Variants in COLGALT1 observed in about 807,000 individuals in gnomAD.
The protein encoded by COLGALT1 is collagen beta(1-O)galactosyltransferase 1.
COLGALT1 carries 43 observed loss-of-function variants against 60.8 expected under a neutral mutation model. The ratio of observed to expected loss-of-function variants is 0.71; its 90% CI spans 0.55 to 0.91. The LOEUF (loss-of-function observed/expected upper bound fraction) is 0.91. COLGALT1 is among the 40% of genes least tolerant of loss of function. The pLI, the probability that COLGALT1 is intolerant of heterozygous loss-of-function variation, is 0.00. For missense variants in COLGALT1, 845 were observed against 880.0 expected, an observed-to-expected ratio of 0.96 and a Z score of 0.50; for synonymous variants, 369 against 374.2, an observed-to-expected ratio of 0.99 and a Z score of 0.16.
Position 17,581,909 on chromosome 19 carries a change from A to ATTTT in COLGALT1, c.*481_*484dup, listed in dbSNP as rs34244232. 9.3e-5 allele frequency: 13 copies of ATTTT among 140,256 alleles called. No individual in the cohort carries two copies. The highest frequency in any genetic ancestry group is 4.1e-4 in the South Asian group (2 of 4,820). The allele number at this position is 140,256 out of a possible 1,614,324, so 8.7% of individuals were successfully genotyped here. On this transcript the variant is annotated 3_prime_UTR_variant, in exon 12 of 12. Coordinates refer to ENST00000252599, the MANE Select transcript of COLGALT1 (RefSeq NM_024656.4). The stretch of plus-strand genomic sequence containing the variant: ...GTTGGGTGCCATTCCAGGCTCTGGG[A>ATTTT]TTTTTTTTTTTTTTTTTTTAAGAGT...
intron 4 of COLGALT1, 62 bp downstream of exon 4, chr19:17,567,602 T>C: frequency 1.3e-6 from 2 of 1,545,984 alleles, no homozygotes; most frequent in Non-Finnish European, 1.8e-6. Flanking sequence ...GTGGCTAGAG[T>C]GTAACTTACT....
intron 6 of COLGALT1, among the ~76,000 whole-genome samples, chr19:17,573,106 T>C (rs923963853): frequency 1.3e-5 from 2 of 151,992 alleles, no homozygotes; most frequent in Admixed American, 6.6e-5. Context: ...AAGAACTGCA[T>C]GTATAGGCCA....
At chr19:17,558,089 C>T (rs961765767) in intron 1 of COLGALT1, among the ~76,000 whole-genome samples, 1 of 151,974 alleles carries the variant, frequency 6.6e-6, no homozygotes, top group Non-Finnish European at 1.5e-5. Flanking sequence ...AGGTGCCCGC[C>T]ACCACACCCA....
At position 17,580,666 on chromosome 19, in the gene COLGALT1, G is replaced by A. The variant is rs758776987; in HGVS notation, c.1395-33G>A. The A allele has an allele frequency of 4.3e-6, 7 of 1,611,610 alleles. No homozygotes were observed. The African/African-American group carries it at 6.7e-5, about 15-fold the overall frequency. On this transcript the variant is annotated intron_variant, in intron 10 of 11. Coordinates refer to ENST00000252599, the MANE Select transcript of COLGALT1 (RefSeq NM_024656.4). ...TGGGCAAGCTCCCTCCGGAGGGCGG[G>A]AGGAGAGTGACAGGCCCGATCTTGC...
In COLGALT1 at chr19:17,555,739, G is replaced by C; in HGVS notation, c.26G>C (p.Arg9Pro). MAAAPRAGRRRGQPLLALL... is the reference protein window; with the variant it reads MAAAPRAGPRRGQPLLALL... The stretch of plus-strand genomic sequence containing the variant: ...ATGGCGGCGGCCCCACGCGCGGGCC[G>C]GCGGCGCGGGCAGCCGCTCCTGGCG... Residue 9 changes from arginine (R) to proline (P), a missense_variant, in exon 1 of 12, where the codon CGG (arginine) becomes CCG (proline). Coordinates refer to ENST00000252599, the MANE Select transcript of COLGALT1 (RefSeq NM_024656.4). 1 of 1,205,942 alleles carries C rather than the reference G, an allele frequency of 8.3e-7. No individual in the cohort carries two copies. The highest frequency in any genetic ancestry group is 1.0e-6 in the Non-Finnish European group (1 of 972,164). 74.7% of individuals were successfully genotyped at this position (1,205,942 alleles called of 1,614,324 possible).
intron 4 of COLGALT1, 79 bp downstream of exon 4, chr19:17,567,619 C>A: frequency 2.0e-6 from 3 of 1,495,952 alleles, no homozygotes; most frequent in Non-Finnish European, 2.7e-6. Context: ...TACTGTCACA[C>A]AACCTCGTGG....
intron 1 of COLGALT1, chr19:17,556,657 T>C (rs2076213685): frequency 2.2e-6 from 1 of 457,632 alleles, no homozygotes; most frequent in African/African-American, 2.1e-5. Flanking sequence ...CACGCAGTAA[T>C]CCTAGCAATT....
intron 2 of COLGALT1, 78 bp downstream of exon 2, chr19:17,559,499 C>T: frequency 1.7e-6 from 2 of 1,159,416 alleles, no homozygotes; most frequent in Non-Finnish European, 2.5e-6. Context: ...CCCATTGCCC[C>T]AGAACAATTA....
intron 1 of COLGALT1, among the ~76,000 whole-genome samples, chr19:17,558,645 T>C (rs946816680): frequency 4.0e-5 from 6 of 151,712 alleles, no homozygotes; most frequent in Non-Finnish European, 8.8e-5. Context: ...GCCACTGCAC[T>C]CTAGCCTGGG....
At chr19:17,557,973 C>T (rs903803129) in intron 1 of COLGALT1, among the ~76,000 whole-genome samples, 5 of 151,882 alleles carry the variant, frequency 3.3e-5, no homozygotes, top group African/African-American at 9.7e-5. Flanking sequence ...GTCTCGCTCT[C>T]GTTGCTGAGG....
At chr19:17,570,667 T>C (rs1049761516) in intron 5 of COLGALT1, among the ~76,000 whole-genome samples, 1 of 151,962 alleles carries the variant, frequency 6.6e-6, no homozygotes, top group Non-Finnish European at 1.5e-5. Context: ...CCAGGTTCAA[T>C]TGATTCTCCT....
chr19:17,562,481 G>A (rs2076254895), intron 3 of COLGALT1, among the ~76,000 whole-genome samples: 1 of 152,096 alleles, frequency 6.6e-6, no homozygotes, highest in South Asian at 2.1e-4. Context: ...TGGTCAACAT[G>A]GTGAAACCCT....
rs1416980087 is a variant in COLGALT1, at chr19:17,567,491, T to C, written c.575T>C (p.Leu192Pro). ...AACAAGACGGTGGTCGCCCCCATGCTGGATTCCCGGGCTGCGTACTCCAAC... is the reference window on the plus strand; with the variant it reads ...AACAAGACGGTGGTCGCCCCCATGCCGGATTCCCGGGCTGCGTACTCCAAC... ...AENKTVVAPM[L>P]DSRAAYSNFW... The change falls in exon 4 of 12, where the codon CTG (leucine) becomes CCG (proline). Residue 192 changes from leucine to proline, a missense_variant. Coordinates refer to ENST00000252599, the MANE Select transcript of COLGALT1 (RefSeq NM_024656.4). 6.2e-7 allele frequency: 1 copy of C among 1,614,094 alleles called. No individual in the cohort carries two copies. Among genetic ancestry groups the C allele is most frequent in the South Asian group, 1.1e-5 (1 of 91,072 alleles).
chr19:17,567,282 C>T, intron 3 of COLGALT1, 124 bp from the exon 4 acceptor site: 1 of 1,275,544 alleles, frequency 7.8e-7, no homozygotes, highest in Non-Finnish European at 1.1e-6. Context: ...TTCATTTCAT[C>T]CGGTGTAGGG....
At chr19:17,579,759 G>A in intron 10 of COLGALT1, 150 bp downstream of exon 10, 1 of 1,082,158 alleles carries the variant, frequency 9.2e-7, no homozygotes, top group Non-Finnish European at 1.3e-6. Flanking sequence ...TGGAGCCTAG[G>A]TACATGGCCA....
At chr19:17,578,184 C>T (rs1178440990) in intron 9 of COLGALT1, 95 bp downstream of exon 9, 13 of 1,360,202 alleles carry the variant, frequency 9.6e-6, no homozygotes, top group African/African-American at 5.9e-5. Context: ...CCCAAAGCCC[C>T]GGCTAGGCAT....
At chr19:17,576,643 A>AGCCC (rs2076342669) in intron 6 of COLGALT1, among the ~76,000 whole-genome samples, 6 of 84,188 alleles carry the variant, frequency 7.1e-5, no homozygotes, top group African/African-American at 2.9e-4. Context: ...TGGGGGTCGG[A>AGCCC]GCGAAGCTGT....
intron 3 of COLGALT1, 119 bp from the exon 4 acceptor site, chr19:17,567,287 G>C: frequency 7.4e-7 from 1 of 1,360,086 alleles, no homozygotes; most frequent in Non-Finnish European, 1.0e-6. Context: ...TTCATCCGGT[G>C]TAGGGGGTGC....
chr19:17,578,220 CCTCTCTTTAG>C, intron 9 of COLGALT1, 131 bp downstream of exon 9: 4 of 1,023,296 alleles, frequency 3.9e-6, no homozygotes, highest in African/African-American at 1.6e-5. Flanking sequence ...GGACCCATGG[CCTCTCTTTAG>C]TGAATGATGC....
Sources: gnomAD v4.1 joint callset for allele counts (sites outside exome capture counted in the v4.1 genomes callset) on GRCh38, gnomAD v4.1.1 for gene constraint, MANE v1.5 for transcripts, NCBI Gene and HGNC (gene_info 2026-07-23, HGNC 2026-07-21) for gene names.